The following HTT variants were observed in gnomAD, a reference collection of about 807,000 sequenced individuals.
HTT encodes huntingtin.
A neutral mutation model predicts 362.3 loss-of-function variants in HTT; 104 were observed. That is an observed-to-expected ratio of 0.29 (90% CI 0.24 to 0.34). The LOEUF (loss-of-function observed/expected upper bound fraction) is 0.34, where lower values mean the gene tolerates loss of function less well. HTT is among the 10% of genes least tolerant of loss of function. HTT has a pLI of 1.00. For missense variants in HTT, 3,301 were observed against 3,928.6 expected (o/e 0.84, Z 4.27); for synonymous variants, 1,577 against 1,548.7 (o/e 1.02, Z -0.43).
At chr4:3,149,599 C>T (rs142380339) in intron 26 of HTT, among the ~76,000 whole-genome samples, 70 of 152,248 alleles carry the variant, frequency 4.6e-4, no homozygotes, top group Middle Eastern at 3.4e-3. Flanking sequence ...TGAGCCACCA[C>T]GCCCAGCCTA....
At chr4:3,100,257 G>A (rs1382233818) in intron 3 of HTT, among the ~76,000 whole-genome samples, 1 of 152,138 alleles carries the variant, frequency 6.6e-6, no homozygotes, top group African/African-American at 2.4e-5. Context: ...TATGTGTGAG[G>A]ACTAATTGCC....
At position 3,211,353 on chromosome 4, in the gene HTT, T is replaced by C. The variant is rs187088818; in HGVS notation, c.6415-576T>C. On this transcript the variant is annotated intron_variant, in intron 47 of 66. Coordinates refer to ENST00000355072, the MANE Select transcript of HTT (RefSeq NM_001388492.1). Reference sequence around the variant, plus strand: ...TGACTGTAAAAGAAAGCTTCAACTTTTGGCATTCATGATGCTTTTCTGAGT... The same window carrying C: ...TGACTGTAAAAGAAAGCTTCAACTTCTGGCATTCATGATGCTTTTCTGAGT... Among the ~76,000 whole-genome samples, 317 of 152,376 alleles carry C rather than the reference T, an allele frequency of 2.1e-3. 3 individuals carry two copies. The highest frequency in any genetic ancestry group is 7.4e-3 in the African/African-American group (309 of 41,590).
Position 3,146,960 on chromosome 4 carries a change from G to C in HTT, c.3295+12G>C. 1 of 1,614,036 alleles carries C rather than the reference G, an allele frequency of 6.2e-7. No homozygotes were observed. Among genetic ancestry groups the C allele is most frequent in the African/African-American group, 1.3e-5 (1 of 75,064 alleles). On this transcript the variant is annotated intron_variant, in intron 25 of 66. Transcript: ENST00000355072. ...AAACTTGCTTGCAGGTACTGGTACTGAGTTGAAACAGGGACTCCAGGACTT... is the reference window on the plus strand; with the variant it reads ...AAACTTGCTTGCAGGTACTGGTACTCAGTTGAAACAGGGACTCCAGGACTT...
chr4:3,225,562 G>A lies in HTT; in HGVS notation c.7766-99G>A, dbSNP rs1720871999. 5 of 1,055,062 alleles carry A rather than the reference G, an allele frequency of 4.7e-6. No individual in the cohort carries two copies. The Admixed American group carries it at 7.4e-5, about 16-fold the overall frequency. The allele number at this position is 1,055,062 out of a possible 1,614,324, so 65.4% of individuals were successfully genotyped here. On this transcript the variant is annotated intron_variant, in intron 56 of 66. Coordinates refer to ENST00000355072, the MANE Select transcript of HTT (RefSeq NM_001388492.1). ...GTGGCGGCGAGGGCAGGTGGCTCACGGCTGGGTGCCTGTCTGGGCAGGAGC... is the reference window on the plus strand; with the variant it reads ...GTGGCGGCGAGGGCAGGTGGCTCACAGCTGGGTGCCTGTCTGGGCAGGAGC...
chr4:3,207,155 GTATTTT>G, intron 44 of HTT, 120 bp from the exon 45 acceptor site: 1 of 1,062,752 alleles, frequency 9.4e-7, no homozygotes, highest in Non-Finnish European at 1.4e-6. Context: ...ACTGTTTCTT[GTATTTT>G]TTTCTAGTCT....
At chr4:3,075,630 C>T (rs1712487000) in intron 1 of HTT, among the ~76,000 whole-genome samples, 1 of 52,756 alleles carries the variant, frequency 1.9e-5, no homozygotes, top group East Asian at 4.9e-4. Context: ...TAGGACGCCT[C>T]GGCGGGAGTG....
rs760897146 is a variant in HTT, at chr4:3,207,409, A to G, written c.6152+52A>G. 3 of 1,405,272 alleles carry G rather than the reference A, an allele frequency of 2.1e-6. No individual in the cohort carries two copies. In the South Asian group the frequency reaches 3.6e-5, roughly 17 times the overall value. The allele number at this position is 1,405,272 out of a possible 1,614,324, so 87.1% of individuals were successfully genotyped here. A position where few individuals can be genotyped will look rare whatever the true frequency, so the allele number is the denominator to read the frequency against. On this transcript the variant is annotated intron_variant, in intron 45 of 66. Transcript: ENST00000355072. ...TGTGTTAGGACAACCCAGGATATAA[A>G]GGATATAGATTTGTACGGGAATAAA...
chr4:3,136,110 A>G (rs980474626), intron 20 of HTT, 116 bp from the exon 21 acceptor site: 2 of 888,128 alleles, frequency 2.3e-6, no homozygotes, highest in South Asian at 3.3e-5. Context: ...TAATCTTGTC[A>G]TATGGATTTA....
At chr4:3,080,372 G>C (rs543626304) in intron 1 of HTT, among the ~76,000 whole-genome samples, 1 of 152,108 alleles carries the variant, frequency 6.6e-6, no homozygotes, top group Non-Finnish European at 1.5e-5. Context: ...TGGGATTACA[G>C]GTTTGGGCCA....
intron 37 of HTT, among the ~76,000 whole-genome samples, chr4:3,184,344 G>T (rs1045464810): frequency 1.3e-5 from 2 of 151,876 alleles, no homozygotes; most frequent in African/African-American, 4.8e-5. Flanking sequence ...AGGGAGTGAG[G>T]CCTGGTGGGG....
At position 3,152,681 on chromosome 4, in the gene HTT, G is replaced by A. The variant is rs193172405; in HGVS notation, c.3499-1612G>A. Among the ~76,000 whole-genome samples, 221 of 151,916 alleles carry A rather than the reference G, an allele frequency of 1.5e-3. 1 individual carries two copies. Among genetic ancestry groups the A allele is most frequent in the African/African-American group, 5.1e-3 (210 of 41,412 alleles). Reference sequence around the variant, plus strand: ...TGCCTTCTACCAAGCAGGGTTTTCAGTGTAGCAGCCTCTCTGTTTTTCTTT... The same window carrying A: ...TGCCTTCTACCAAGCAGGGTTTTCAATGTAGCAGCCTCTCTGTTTTTCTTT... On this transcript the variant is annotated intron_variant, in intron 26 of 66. Transcript: ENST00000355072.
At chr4:3,101,618 T>C (rs980542070) in intron 3 of HTT, among the ~76,000 whole-genome samples, 9 of 152,192 alleles carry the variant, frequency 5.9e-5, no homozygotes, top group Admixed American at 5.2e-4. Flanking sequence ...GTGTGTATGG[T>C]GAAAACTAGG....
At chr4:3,186,771 C>A in intron 38 of HTT, 52 bp downstream of exon 38, 1 of 1,570,218 alleles carries the variant, frequency 6.4e-7, no homozygotes, top group Non-Finnish European at 8.7e-7. Flanking sequence ...TGTTCAGGCT[C>A]TGATTACTGG....
intron 5 of HTT, among the ~76,000 whole-genome samples, chr4:3,105,692 G>C (rs1018709692): frequency 6.6e-6 from 1 of 152,212 alleles, no homozygotes; most frequent in Non-Finnish European, 1.5e-5. Flanking sequence ...GACAGCAGGG[G>C]TCTTACTGTC....
At chr4:3,178,699 T>A (rs1466708152) in intron 35 of HTT, among the ~76,000 whole-genome samples, 1 of 152,222 alleles carries the variant, frequency 6.6e-6, no homozygotes, top group African/African-American at 2.4e-5. Context: ...AAGGTACAGA[T>A]AGATTCTGAA....
At chr4:3,147,002 A>G in intron 25 of HTT, 54 bp downstream of exon 25, 1 of 1,564,262 alleles carries the variant, frequency 6.4e-7, no homozygotes, top group Non-Finnish European at 8.8e-7. Context: ...TGATTTCCTT[A>G]GGGGGAATGG....
intron 57 of HTT, among the ~76,000 whole-genome samples, chr4:3,227,120 C>T (rs1486046164): frequency 6.6e-6 from 1 of 152,232 alleles, no homozygotes; most frequent in Non-Finnish European, 1.5e-5. Context: ...CCCCCAACCC[C>T]GCTGCATTTG....
intron 6 of HTT, among the ~76,000 whole-genome samples, chr4:3,107,979 CT>C (rs1289243093): frequency 1.3e-5 from 2 of 152,182 alleles, no homozygotes; most frequent in African/African-American, 4.8e-5. Context: ...AGTGACCCTC[CT>C]GGGAGGTGAT....
chr4:3,075,198 G>T, intron 1 of HTT, 110 bp downstream of exon 1: 1 of 1,053,850 alleles, frequency 9.5e-7, no homozygotes, highest in Non-Finnish European at 1.2e-6. Context: ...CGGCCCCGCA[G>T]AGACAGAGTG....
Sources: gnomAD v4.1 joint callset for allele counts (sites outside exome capture counted in the v4.1 genomes callset) on GRCh38, gnomAD v4.1.1 for gene constraint, MANE v1.5 for transcripts, NCBI Gene and HGNC (gene_info 2026-07-23, HGNC 2026-07-21) for gene names.